CENPM: variants seen among roughly 807,000 people sequenced by gnomAD.
CENPM encodes centromere protein M, also known as interphase centromere complex protein 39.
In CENPM, 14 loss-of-function variants were observed where a neutral mutation model predicts 19.6. That is an observed-to-expected ratio of 0.71 (90% CI 0.47 to 1.11). CENPM has a LOEUF of 1.11. Ranked by LOEUF, CENPM falls within the 50% of genes most tolerant of loss-of-function variation. CENPM has a pLI of 0.00. For synonymous variants in CENPM, 114 were observed against 101.5 expected (o/e 1.12, Z -0.74); for missense variants, 239 against 228.4 (o/e 1.05, Z -0.30).
Position 41,938,989 on chromosome 22 carries a change from T to A in CENPM, c.*67A>T. ...CCTGTCAAGCCCTGACTGGACATCC[T>A]CAACAGAGAATGTTTATGGAGTCAG... On this transcript the variant is annotated 3_prime_UTR_variant, in exon 6 of 6. Transcript: ENST00000215980. The A allele has an allele frequency of 6.3e-7, 1 of 1,581,666 alleles. No individual in the cohort carries two copies. The highest frequency in any genetic ancestry group is 8.6e-7 in the Non-Finnish European group (1 of 1,161,426).
downstream of CENPM, among the ~76,000 whole-genome samples, chr22:41,936,710 C>T (rs1017598016): frequency 1.3e-5 from 2 of 152,172 alleles, no homozygotes; most frequent in Non-Finnish European, 2.9e-5. Flanking sequence ...TGGCAGATCA[C>T]GTGAGGTCAG....
At chr22:41,937,326 C>G (rs6002545), downstream of CENPM, among the ~76,000 whole-genome samples, 30,989 of 152,178 alleles carry the variant, frequency 0.2, 4,256 homozygotes, top group African/African-American at 0.35. Context: ...GATAGAGTCT[C>G]GCTCCGCTGC....
At chr22:41,931,127 C>T in the CENPM span, among the ~76,000 whole-genome samples, 19 of 151,852 alleles carry the variant, frequency 1.3e-4, no homozygotes, top group African/African-American at 4.6e-4. Context: ...TGAGCCACTG[C>T]ACCCGGCCAC....
downstream of CENPM, among the ~76,000 whole-genome samples, chr22:41,934,210 G>A (rs1041815883): frequency 6.6e-6 from 1 of 152,214 alleles, no homozygotes; most frequent in African/African-American, 2.4e-5. Flanking sequence ...TGCTAGGAAG[G>A]TCCTGCCTCC....
chr22:41,927,763 T>C, the CENPM span, among the ~76,000 whole-genome samples: 2 of 152,256 alleles, frequency 1.3e-5, no homozygotes, highest in South Asian at 2.1e-4. Context: ...CCTCCCAAAG[T>C]GCTGGGATTA....
At chr22:41,944,435 C>CAAA (rs139232803) in intron 4 of CENPM, among the ~76,000 whole-genome samples, 3,168 of 69,900 alleles carry the variant, frequency 0.045, 138 homozygotes, top group African/African-American at 0.12. Context: ...GACTCCGTCT[C>CAAA]AAAAAAAAAA....
chr22:41,931,959 G>C, the CENPM span, among the ~76,000 whole-genome samples: 4 of 152,250 alleles, frequency 2.6e-5, no homozygotes, highest in South Asian at 8.3e-4. Flanking sequence ...AAACAATACA[G>C]AAGTCTATGA....
At chr22:41,931,533 G>A in the CENPM span, among the ~76,000 whole-genome samples, 4 of 151,814 alleles carry the variant, frequency 2.6e-5, no homozygotes, top group Admixed American at 2.6e-4. Flanking sequence ...TCTTCAGAGA[G>A]AAGGGGGTTT....
rs35542507 is a variant in CENPM at position 41,945,930 on chromosome 22, A to T, written c.213T>A (p.Asn71Lys). ...GCTCTCACCTGTATTTGCTGTGAAG[A>T]TTAACCACAAACACGATCAGGTCAA... ...PRIDLIVFVV[N>K]LHSKYSLQNT... Residue 71 changes from asparagine to lysine, a missense_variant, in exon 3 of 6, where the codon AAT becomes AAA. Physicochemically the swap from Asn to Lys is moderately conservative, Grantham distance 94. Coordinates refer to ENST00000215980, the MANE Select transcript of CENPM (RefSeq NM_024053.5). 6.2e-7 allele frequency: 1 copy of T among 1,613,324 alleles called. No individual in the cohort carries two copies. The highest frequency in any genetic ancestry group is 1.3e-5 in the African/African-American group (1 of 74,910).
At chr22:41,945,774 C>T (rs2077793272) in intron 3 of CENPM, 139 bp downstream of exon 3, 2 of 659,222 alleles carry the variant, frequency 3.0e-6, no homozygotes, top group Non-Finnish European at 5.2e-6. Context: ...CCACTGGCTC[C>T]TCTCTCCTCA....
Position 41,944,588 on chromosome 22 carries a change from A to T in CENPM, c.310+637T>A, listed in dbSNP as rs753760069. On this transcript the variant is annotated intron_variant, in intron 4 of 5. Transcript: ENST00000215980. The stretch of plus-strand genomic sequence containing the variant: ...AACACCTACCTCCAATAGGAATATG[A>T]AAACAAAGCAATTACCGTGTCTGCC... The T allele has an allele frequency of 3.6e-4, 313 of 868,236 alleles. 2 individuals carry two copies. Among genetic ancestry groups the T allele is most frequent in the Non-Finnish European group, 4.2e-4 (301 of 723,332 alleles). The allele number at this position is 868,236 out of a possible 1,614,324, so 53.8% of individuals were successfully genotyped here.
At chr22:41,931,481 G>GA in the CENPM span, among the ~76,000 whole-genome samples, 965 of 136,848 alleles carry the variant, frequency 7.1e-3, 3 homozygotes, top group Non-Finnish European at 0.01. Flanking sequence ...CCCCATCTCA[G>GA]AAAAAAAAAA....
At chr22:41,928,127 AG>A in the CENPM span, 1 of 390,384 alleles carries the variant, frequency 2.6e-6, no homozygotes. The surrounding 1 kb of genome is among the most constrained non-coding windows in gnomAD (Gnocchi z 4.0). Context: ...GGGGGACACG[AG>A]GGAGCCACTG....
chr22:41,930,508 C>T, the CENPM span, among the ~76,000 whole-genome samples: 10 of 152,086 alleles, frequency 6.6e-5, no homozygotes, highest in Admixed American at 6.5e-4. Context: ...GGCCTAATTT[C>T]TTTTCTTTTT....
At chr22:41,928,932 A>C in the CENPM span, among the ~76,000 whole-genome samples, 3 of 151,676 alleles carry the variant, frequency 2.0e-5, no homozygotes, top group Admixed American at 6.6e-5. The surrounding 1 kb of genome is among the most constrained non-coding windows in gnomAD (Gnocchi z 4.0). Context: ...AGCTTGGGAG[A>C]CCCTGAAGGT....
intron 1 of CENPM, 73 bp downstream of exon 1, chr22:41,946,947 T>C: frequency 6.8e-7 from 1 of 1,481,214 alleles, no homozygotes; most frequent in Non-Finnish European, 9.4e-7. Context: ...CTCAGAGAGC[T>C]CAGTTGACCT....
chr22:41,939,385 G>A (rs2077704976), intron 5 of CENPM, among the ~76,000 whole-genome samples, 189 bp from the exon 6 acceptor site: 1 of 152,178 alleles, frequency 6.6e-6, no homozygotes, highest in Non-Finnish European at 1.5e-5. Context: ...GCCTCAGCTT[G>A]CCCAATCCTT....
At chr22:41,933,162 A>G in the CENPM span, among the ~76,000 whole-genome samples, 2 of 152,124 alleles carry the variant, frequency 1.3e-5, no homozygotes, top group South Asian at 4.1e-4. Context: ...GTGACCAGGA[A>G]AAGGGCTGTG....
At chr22:41,933,479 C>T in the CENPM span, among the ~76,000 whole-genome samples, 6 of 152,192 alleles carry the variant, frequency 3.9e-5, no homozygotes, top group Non-Finnish European at 5.9e-5. Flanking sequence ...GCCCCAAGTT[C>T]GGCTGGCATA....
Sources: allele counts gnomAD v4.1 joint callset (sites outside exome capture counted in the v4.1 genomes callset), GRCh38; gene constraint gnomAD v4.1.1; non-coding constraint Gnocchi (gnomAD v3.1); transcripts MANE v1.5; gene names NCBI Gene and HGNC (gene_info 2026-07-23, HGNC 2026-07-21).